Variants in BARD1 observed in about 807,000 individuals in gnomAD.
The protein encoded by BARD1 is BRCA1 associated RING domain 1.
A neutral mutation model predicts 77.0 loss-of-function variants in BARD1; 73 were observed. The ratio of observed to expected loss-of-function variants is 0.95; its 90% CI spans 0.79 to 1.15. The LOEUF is 1.15. Among genes scored for constraint, BARD1 ranks in the 50% most tolerant of loss-of-function variants. The pLI is 0.00. For missense variants in BARD1, 993 were observed against 938.8 expected (o/e 1.06, Z -0.75); for synonymous variants, 384 against 338.0 (o/e 1.14, Z -1.49).
rs886055600 is a variant in BARD1, at chr2:214,792,416, C to A, written c.245G>T (p.Gly82Val). 3 of 1,610,212 alleles carry A rather than the reference C, an allele frequency of 1.9e-6. No individual in the cohort carries two copies. The highest frequency in any genetic ancestry group is 4.5e-5 in the East Asian group (2 of 44,734). ...SNCVSDCIGT[G>V]CPVCYTPAWI... The stretch of plus-strand genomic sequence containing the variant: ...GGCCGGGGTGTAACACACTGGACAT[C>A]CAGTTCCAATGCAGTCACTTACACA... The change falls in exon 3 of 11, where the codon GGA (glycine) becomes GTA (valine). Residue 82 changes from glycine to valine, a missense_variant. Gly to Val is a moderately radical substitution (Grantham distance 109). Coordinates refer to ENST00000260947, the MANE Select transcript of BARD1 (RefSeq NM_000465.4).
chr2:214,766,497 T>C (rs1020957635), intron 6 of BARD1, among the ~76,000 whole-genome samples: 4 of 152,138 alleles, frequency 2.6e-5, no homozygotes, highest in African/African-American at 9.7e-5. Flanking sequence ...CTAAGTAAAT[T>C]TTTCCATTAA....
chr2:214,808,141 G>A (rs1003959830), intron 1 of BARD1, among the ~76,000 whole-genome samples: 15 of 152,258 alleles, frequency 9.9e-5, no homozygotes, highest in African/African-American at 3.6e-4. Flanking sequence ...CGGGCACCGT[G>A]GCTCACGCCT....
chr2:214,767,013 C>T (rs913084996), intron 6 of BARD1, among the ~76,000 whole-genome samples: 8 of 152,000 alleles, frequency 5.3e-5, no homozygotes, highest in Admixed American at 3.3e-4. Flanking sequence ...GTCTGTTGTT[C>T]CCTTCTTTGT....
intron 3 of BARD1, among the ~76,000 whole-genome samples, chr2:214,791,960 TTTCTC>T (rs1695532283): frequency 6.6e-6 from 1 of 152,036 alleles, no homozygotes; most frequent in Non-Finnish European, 1.5e-5. Context: ...TGGACCTTGA[TTTCTC>T]AACTATAAAA....
At chr2:214,805,123 C>T (rs754608869) in intron 1 of BARD1, among the ~76,000 whole-genome samples, 11 of 152,162 alleles carry the variant, frequency 7.2e-5, no homozygotes, top group Non-Finnish European at 1.3e-4. Context: ...ATCACACCAC[C>T]GCACTCCAGC....
At chr2:214,731,845 A>G (rs756493044) in intron 9 of BARD1, among the ~76,000 whole-genome samples, 1 of 152,220 alleles carries the variant, frequency 6.6e-6, no homozygotes, top group Non-Finnish European at 1.5e-5. Flanking sequence ...TAACTCAGGT[A>G]TCCCCTTCAC....
At chr2:214,773,058 A>C (rs949460798) in intron 4 of BARD1, among the ~76,000 whole-genome samples, 1 of 152,152 alleles carries the variant, frequency 6.6e-6, no homozygotes, top group African/African-American at 2.4e-5. Context: ...TGAAAATAAG[A>C]GTGTGTGTGT....
At chr2:214,747,837 C>A in intron 7 of BARD1, among the ~76,000 whole-genome samples, 1 of 148,304 alleles carries the variant, frequency 6.7e-6, no homozygotes, top group African/African-American at 2.5e-5. Flanking sequence ...GCACATGTAC[C>A]CTAAAACTTA....
chr2:214,727,082 T>C lies in BARD1; in HGVS notation c.*1594A>G. On this transcript the variant is annotated 3_prime_UTR_variant, in exon 11 of 11. Transcript: ENST00000260947. Reference sequence around the variant, plus strand: ...GGATTTTTGTTTGGTGCTATGGTGTTCATTTTCTATCAGAATGAAATGTGG... The same window carrying C: ...GGATTTTTGTTTGGTGCTATGGTGTCCATTTTCTATCAGAATGAAATGTGG... The C allele has an allele frequency of 4.7e-6, 1 of 214,342 alleles. No homozygotes were observed. Among genetic ancestry groups the C allele is most frequent in the Non-Finnish European group, 9.4e-6 (1 of 106,114 alleles). The allele number at this position is 214,342 out of a possible 1,614,324, so 13.3% of individuals were successfully genotyped here.
intron 6 of BARD1, among the ~76,000 whole-genome samples, chr2:214,755,637 G>C (rs933496742): frequency 1.3e-5 from 2 of 152,192 alleles, no homozygotes; most frequent in Non-Finnish European, 2.9e-5. Context: ...TTAAGGGGCC[G>C]TGTAGGGAAT....
intron 4 of BARD1, 61 bp from the exon 5 acceptor site, chr2:214,769,373 C>A (rs1694371162): frequency 4.5e-6 from 6 of 1,340,160 alleles, no homozygotes; most frequent in Middle Eastern, 1.8e-4. Flanking sequence ...AAATATTGAG[C>A]TTTTTTAAAT....
rs181851271 is a variant in BARD1, at chr2:214,740,702, T to G, written c.1903+4365A>C. Among the ~76,000 whole-genome samples the G allele has an allele frequency of 6.0e-3, 910 of 152,188 alleles. 8 individuals are homozygous for G. The highest frequency in any genetic ancestry group is 0.01 in the Middle Eastern group (3 of 294). On this transcript the variant is annotated intron_variant, in intron 9 of 10. Coordinates refer to ENST00000260947, the MANE Select transcript of BARD1 (RefSeq NM_000465.4). ...CAGAATTTTCCTAATCTTTCATATGTAGGTTATATTCTCTACTTCTTGCTG... is the reference window on the plus strand; with the variant it reads ...CAGAATTTTCCTAATCTTTCATATGGAGGTTATATTCTCTACTTCTTGCTG...
intron 9 of BARD1, among the ~76,000 whole-genome samples, chr2:214,740,895 T>G (rs1359591649): frequency 6.6e-6 from 1 of 150,770 alleles, no homozygotes; most frequent in Non-Finnish European, 1.5e-5. Context: ...TCTTAATTTA[T>G]ACGAATGTTT....
intron 2 of BARD1, among the ~76,000 whole-genome samples, chr2:214,793,212 C>T (rs1295462359): frequency 6.6e-6 from 1 of 152,150 alleles, no homozygotes; most frequent in Non-Finnish European, 1.5e-5. Context: ...TTCCTTGTCA[C>T]AGGACCCAAT....
At position 214,799,649 on chromosome 2, in the gene BARD1, T is replaced by C. The variant is rs576362687; in HGVS notation, c.159-2532A>G. Among the ~76,000 whole-genome samples the C allele has an allele frequency of 5.3e-5, 8 of 152,240 alleles. No individual in the cohort carries two copies. In the East Asian group the frequency reaches 1.5e-3, roughly 29 times the overall value. Reference sequence around the variant, plus strand: ...CTCCCAAAGCACTAGATATTCATAATACTTGCCTTTCTTCTCTCATTTGCA... The same window carrying C: ...CTCCCAAAGCACTAGATATTCATAACACTTGCCTTTCTTCTCTCATTTGCA... On this transcript the variant is annotated intron_variant, in intron 1 of 10. Transcript: ENST00000260947.
At chr2:214,760,418 C>A (rs751741838) in intron 6 of BARD1, among the ~76,000 whole-genome samples, 1 of 152,160 alleles carries the variant, frequency 6.6e-6, no homozygotes, top group East Asian at 1.9e-4. Flanking sequence ...GTCTCGAACT[C>A]CTGACCTCAA....
chr2:214,796,427 G>A (rs1236743944), intron 2 of BARD1, among the ~76,000 whole-genome samples: 1 of 152,172 alleles, frequency 6.6e-6, no homozygotes, highest in Non-Finnish European at 1.5e-5. Context: ...TATGAAAAGA[G>A]GAAATTTGAC....
intron 6 of BARD1, among the ~76,000 whole-genome samples, chr2:214,765,658 A>G (rs1452928487): frequency 2.6e-5 from 4 of 152,204 alleles, no homozygotes; most frequent in African/African-American, 9.6e-5. Context: ...GTTACCAAAT[A>G]GCTTGCAACA....
intron 1 of BARD1, among the ~76,000 whole-genome samples, chr2:214,804,387 T>C (rs1166916004): frequency 6.6e-6 from 1 of 152,222 alleles, no homozygotes; most frequent in African/African-American, 2.4e-5. Context: ...TGTCTGGCAT[T>C]GTGGCTACAA....
Sources: allele counts gnomAD v4.1 joint callset (sites outside exome capture counted in the v4.1 genomes callset), GRCh38; gene constraint gnomAD v4.1.1; transcripts MANE v1.5; gene names NCBI Gene and HGNC (gene_info 2026-07-23, HGNC 2026-07-21).